Variants in MKX observed in about 807,000 individuals in gnomAD.
MKX encodes the protein mohawk homeobox, also known as homeobox protein Mohawk.
A neutral mutation model predicts 36.0 loss-of-function variants in MKX; 13 were observed. The observed-to-expected ratio is 0.36, with a 90% CI of 0.24 to 0.57. The LOEUF is 0.57. MKX is among the 20% of genes least tolerant of loss of function. The probability of loss-of-function intolerance (pLI) is 0.79; values close to 1 mark genes in which losing one functional copy is unlikely to be tolerated. For synonymous variants in MKX, 176 were observed against 178.3 expected, an observed-to-expected ratio of 0.99 and a Z score of 0.10; for missense variants, 458 against 456.4, an observed-to-expected ratio of 1.00 and a Z score of -0.03.
At chr10:27,686,836 A>C (rs10437436) in intron 5 of MKX, among the ~76,000 whole-genome samples, 29,715 of 152,002 alleles carry the variant, frequency 0.2, 4,631 homozygotes, top group African/African-American at 0.43. Context: ...TATTCTGGCC[A>C]GAAATTATTT....
chr10:27,745,688 G>C lies in MKX; in HGVS notation c.-83+19C>G, dbSNP rs1018817657. Reference sequence around the variant, plus strand: ...GTTCCGCCGCAGCCGGCTGAGACTCGGCGACGCGGGGGCTGTACCTGTGGC... The same window carrying C: ...GTTCCGCCGCAGCCGGCTGAGACTCCGCGACGCGGGGGCTGTACCTGTGGC... On this transcript the variant is annotated intron_variant, in intron 1 of 6. Transcript: ENST00000419761. The C allele has an allele frequency of 1.3e-5, 2 of 152,496 alleles. No homozygotes were observed. Among genetic ancestry groups the C allele is most frequent in the African/African-American group, 4.8e-5 (2 of 41,468 alleles). The allele number at this position is 152,496 out of a possible 1,614,324, so 9.4% of individuals were successfully genotyped here.
At chr10:27,700,358 C>G (rs1248796850) in intron 5 of MKX, among the ~76,000 whole-genome samples, 5 of 152,122 alleles carry the variant, frequency 3.3e-5, no homozygotes. Context: ...ATTTTTGCAA[C>G]AAGTCTCCAG....
chr10:27,737,046 A>G (rs1181880936), intron 3 of MKX, among the ~76,000 whole-genome samples: 1 of 152,172 alleles, frequency 6.6e-6, no homozygotes, highest in Non-Finnish European at 1.5e-5. Context: ...AGTCCTAGGA[A>G]TGAATAAGCT....
intron 5 of MKX, among the ~76,000 whole-genome samples, chr10:27,732,851 G>A (rs191154912): frequency 2.6e-5 from 4 of 151,954 alleles, no homozygotes; most frequent in African/African-American, 4.8e-5. Flanking sequence ...GGGCTCAAGC[G>A]GTCCTCCCAC....
intron 5 of MKX, among the ~76,000 whole-genome samples, chr10:27,684,987 C>G (rs985236166): frequency 1.3e-5 from 2 of 152,182 alleles, no homozygotes; most frequent in Non-Finnish European, 2.9e-5. Flanking sequence ...ATGCCAGAAA[C>G]GATACAAATG....
At chr10:27,683,046 A>G (rs1836284025) in intron 5 of MKX, among the ~76,000 whole-genome samples, 1 of 152,128 alleles carries the variant, frequency 6.6e-6, no homozygotes, top group South Asian at 2.1e-4. Context: ...CGCAGTTCAC[A>G]ATAGGTTTTG....
intron 5 of MKX, 70 bp downstream of exon 5, chr10:27,734,386 C>A: frequency 7.6e-7 from 1 of 1,318,818 alleles, no homozygotes; most frequent in East Asian, 2.3e-5. Flanking sequence ...TAAAATAAAT[C>A]CCTCTGATGC....
At chr10:27,681,509 C>T (rs1239288791) in intron 5 of MKX, among the ~76,000 whole-genome samples, 1 of 152,038 alleles carries the variant, frequency 6.6e-6, no homozygotes, top group Non-Finnish European at 1.5e-5. Flanking sequence ...AAGTATAGCA[C>T]ATAAATTATA....
chr10:27,723,804 A>G (rs1834429619), intron 5 of MKX, among the ~76,000 whole-genome samples: 1 of 152,194 alleles, frequency 6.6e-6, no homozygotes, highest in Non-Finnish European at 1.5e-5. Context: ...GGTACATTTT[A>G]GTATCATGAC....
intron 5 of MKX, among the ~76,000 whole-genome samples, chr10:27,694,962 G>C (rs1836527918): frequency 6.6e-6 from 1 of 151,372 alleles, no homozygotes; most frequent in African/African-American, 2.4e-5. Flanking sequence ...GCAGGTGTGT[G>C]GTAGTTCTAG....
At chr10:27,714,417 G>A (rs1386851715) in intron 5 of MKX, among the ~76,000 whole-genome samples, 1 of 152,124 alleles carries the variant, frequency 6.6e-6, no homozygotes, top group Admixed American at 6.5e-5. Context: ...TAGAGAAAGC[G>A]CTTGACATTT....
At chr10:27,711,502 C>CTCT (rs1325299205) in intron 5 of MKX, among the ~76,000 whole-genome samples, 5 of 52,464 alleles carry the variant, frequency 9.5e-5, no homozygotes, top group African/African-American at 4.7e-4. Flanking sequence ...TCTCTTCTTT[C>CTCT]CTTCCTTCCT....
At chr10:27,684,806 G>A (rs543227408) in intron 5 of MKX, among the ~76,000 whole-genome samples, 1 of 152,222 alleles carries the variant, frequency 6.6e-6, no homozygotes, top group African/African-American at 2.4e-5. Flanking sequence ...ACAGACCGGG[G>A]AGCGGGGGGT....
At chr10:27,689,208 T>C (rs1435318555) in intron 5 of MKX, among the ~76,000 whole-genome samples, 1 of 152,148 alleles carries the variant, frequency 6.6e-6, no homozygotes, top group African/African-American at 2.4e-5. Flanking sequence ...AATGACACAA[T>C]GAGAGAGGTG....
In MKX at chr10:27,737,665, A is replaced by T. The variant is rs544489230; in HGVS notation, c.349-2291T>A. ...GTTGACCAGTACTGTCTCCAGCAAGAGTGTTTTTGTCCTTCTTTGCTCCTT... is the reference window on the plus strand; with the variant it reads ...GTTGACCAGTACTGTCTCCAGCAAGTGTGTTTTTGTCCTTCTTTGCTCCTT... On this transcript the variant is annotated intron_variant, in intron 3 of 6. Transcript: ENST00000419761. 2.6e-4 allele frequency among the ~76,000 whole-genome samples: 40 copies of T among 152,184 alleles called. 1 individual carries two copies. In the South Asian group the frequency reaches 8.1e-3, roughly 31 times the overall value.
At chr10:27,692,421 A>G (rs1230195710) in intron 5 of MKX, among the ~76,000 whole-genome samples, 1 of 152,236 alleles carries the variant, frequency 6.6e-6, no homozygotes, top group African/African-American at 2.4e-5. Flanking sequence ...ATATTACAAG[A>G]TACTTCAGAA....
At chr10:27,707,809 T>C (rs1293412662) in intron 5 of MKX, among the ~76,000 whole-genome samples, 1 of 152,250 alleles carries the variant, frequency 6.6e-6, no homozygotes, top group Non-Finnish European at 1.5e-5. Context: ...GCTAATCCAT[T>C]TGTGTTTTTA....
chr10:27,711,418 T>TTTC (rs1836849583), intron 5 of MKX, among the ~76,000 whole-genome samples: 5 of 149,762 alleles, frequency 3.3e-5, no homozygotes, highest in Admixed American at 6.6e-5. Context: ...CCTTCTTTCT[T>TTTC]TCTTTCTTTT....
At chr10:27,736,131 G>T (rs906779747) in intron 3 of MKX, among the ~76,000 whole-genome samples, 2 of 152,116 alleles carry the variant, frequency 1.3e-5, no homozygotes, top group Non-Finnish European at 2.9e-5. Context: ...AGAGGTAATA[G>T]TCAAAGTTGC....
Sources: allele counts gnomAD v4.1 joint callset (sites outside exome capture counted in the v4.1 genomes callset), GRCh38; gene constraint gnomAD v4.1.1; transcripts MANE v1.5; gene names NCBI Gene and HGNC (gene_info 2026-07-23, HGNC 2026-07-21).